DARS1: variants seen among roughly 807,000 people sequenced by gnomAD.
The protein encoded by DARS1 is aspartyl-tRNA synthetase 1.
Under a neutral mutation model 68.8 loss-of-function variants are expected in DARS1, and 51 were observed. The ratio of observed to expected loss-of-function variants is 0.74; its 90% CI spans 0.59 to 0.94. DARS1 has a LOEUF of 0.94. Ranked by LOEUF, DARS1 falls within the 40% of genes least tolerant of loss-of-function variation. The pLI, the probability that DARS1 is intolerant of heterozygous loss-of-function variation, is 0.00. For synonymous variants in DARS1, 203 were observed against 190.4 expected (o/e 1.07, Z -0.55); for missense variants, 607 against 597.3 (o/e 1.02, Z -0.17).
chr2:135,910,592 G>C (rs920022662), intron 15 of DARS1, among the ~76,000 whole-genome samples: 2 of 151,880 alleles, frequency 1.3e-5, no homozygotes, highest in African/African-American at 4.8e-5. Context: ...ACTGTCTCTC[G>C]ACCAATTTTA....
chr2:135,942,823 T>C (rs1681634688), intron 5 of DARS1, among the ~76,000 whole-genome samples: 1 of 152,208 alleles, frequency 6.6e-6, no homozygotes. Context: ...TTTGCAAAAA[T>C]GGCTGCAATA....
chr2:135,914,102 C>T (rs1449648397), intron 12 of DARS1, among the ~76,000 whole-genome samples: 2 of 152,144 alleles, frequency 1.3e-5, no homozygotes, highest in Non-Finnish European at 2.9e-5. Context: ...GAGAGAGGAA[C>T]CTCATTCATC....
intron 3 of DARS1, among the ~76,000 whole-genome samples, chr2:135,973,005 C>T (rs950599395): frequency 6.6e-6 from 1 of 152,316 alleles, no homozygotes; most frequent in Middle Eastern, 3.4e-3. Flanking sequence ...CTATGTAGAA[C>T]AGTTTGGAGG....
chr2:135,913,762 A>G (rs1680945465), intron 12 of DARS1, among the ~76,000 whole-genome samples: 1 of 152,140 alleles, frequency 6.6e-6, no homozygotes, highest in Non-Finnish European at 1.5e-5. Context: ...CCGTCTCAAA[A>G]AAAAAAAAAA....
chr2:135,957,488 G>C (rs768530223), intron 4 of DARS1, among the ~76,000 whole-genome samples: 1 of 152,126 alleles, frequency 6.6e-6, no homozygotes, highest in Non-Finnish European at 1.5e-5. Flanking sequence ...AAAGTACTGG[G>C]ATTACAGGTA....
intron 4 of DARS1, among the ~76,000 whole-genome samples, chr2:135,943,955 T>C (rs1681662181): frequency 1.3e-5 from 2 of 152,182 alleles, no homozygotes; most frequent in Non-Finnish European, 2.9e-5. Context: ...CGTGCTGTTT[T>C]GCAATTAAAT....
At chr2:135,922,486 A>G (rs1681125367) in intron 9 of DARS1, among the ~76,000 whole-genome samples, 1 of 152,192 alleles carries the variant, frequency 6.6e-6, no homozygotes, top group African/African-American at 2.4e-5. Context: ...CATATTCTCA[A>G]GATAAAAATT....
In DARS1 at chr2:135,919,399, CTT is replaced by C. The variant is rs770509337; in HGVS notation, c.959+1052_959+1053del. On this transcript the variant is annotated intron_variant, in intron 10 of 15. Transcript: ENST00000264161. ...TAAATAAAATTCGTATTTTTGAACTCTTTTAAAATACCAATGAAACATATCAA... is the reference window on the plus strand; with the variant it reads ...TAAATAAAATTCGTATTTTTGAACTCTTAAAATACCAATGAAACATATCAA... 8.5e-5 allele frequency among the ~76,000 whole-genome samples: 13 copies of C among 152,278 alleles called. No individual in the cohort carries two copies. The East Asian group carries it at 2.5e-3, about 29-fold the overall frequency.
In DARS1 at chr2:135,907,277, T is replaced by A; in HGVS notation, c.*39A>T. On this transcript the variant is annotated 3_prime_UTR_variant, in exon 16 of 16. Transcript: ENST00000264161. Reference sequence around the variant, plus strand: ...TTTTTTTTTTGAGGCAGGGTCTCGCTCTGTCATCCACACTGGAGTTAAGTG... The same window carrying A: ...TTTTTTTTTTGAGGCAGGGTCTCGCACTGTCATCCACACTGGAGTTAAGTG... The A allele has an allele frequency of 3.0e-6, 3 of 984,636 alleles. No individual in the cohort carries two copies. The highest frequency in any genetic ancestry group is 2.9e-6 in the Non-Finnish European group (2 of 679,420). The allele number at this position is 984,636 out of a possible 1,614,324, so 61.0% of individuals were successfully genotyped here. A position where few individuals can be genotyped will look rare whatever the true frequency, so the allele number is the denominator to read the frequency against.
intron 7 of DARS1, among the ~76,000 whole-genome samples, chr2:135,927,283 CAAATT>C (rs1433647333): frequency 2.6e-5 from 4 of 152,032 alleles, no homozygotes; most frequent in African/African-American, 9.7e-5. Context: ...AAATCTATCT[CAAATT>C]AAATGCTTCT....
chr2:135,957,686 G>T (rs1344728090), intron 4 of DARS1, among the ~76,000 whole-genome samples: 1 of 152,120 alleles, frequency 6.6e-6, no homozygotes, highest in Admixed American at 6.6e-5. Flanking sequence ...GTGGTGAGAA[G>T]TATGCACTAC....
intron 11 of DARS1, among the ~76,000 whole-genome samples, chr2:135,915,058 T>TA (rs1386023929): frequency 6.6e-6 from 1 of 152,172 alleles, no homozygotes; most frequent in Non-Finnish European, 1.5e-5. Flanking sequence ...CATCTTGCCT[T>TA]AAAATGTCAT....
At chr2:135,978,971 ATT>A (rs5834455) in intron 3 of DARS1, 11,901 of 191,016 alleles carry the variant, frequency 0.062, 617 homozygotes, top group East Asian at 0.2. Flanking sequence ...TTTTTTTTCA[ATT>A]TTTTTTTTTT....
chr2:135,940,525 T>C (rs1681572211), intron 5 of DARS1, among the ~76,000 whole-genome samples: 1 of 152,140 alleles, frequency 6.6e-6, no homozygotes, highest in African/African-American at 2.4e-5. Flanking sequence ...TAATAAGAGC[T>C]ATCTATGACA....
At chr2:135,929,692 TAA>T (rs1311761283) in intron 7 of DARS1, among the ~76,000 whole-genome samples, 28 of 152,170 alleles carry the variant, frequency 1.8e-4, no homozygotes, top group Admixed American at 1.8e-3. Flanking sequence ...AAACTTCTCT[TAA>T]AGAGTTGAGA....
intron 2 of DARS1, among the ~76,000 whole-genome samples, chr2:135,981,589 A>G (rs555659181): frequency 6.6e-6 from 1 of 152,306 alleles, no homozygotes; most frequent in East Asian, 1.9e-4. Context: ...TGTGGTCTCA[A>G]GCATTTTGGC....
At chr2:135,915,327 C>A (rs1438942869) in intron 11 of DARS1, among the ~76,000 whole-genome samples, 1 of 152,040 alleles carries the variant, frequency 6.6e-6, no homozygotes, top group Non-Finnish European at 1.5e-5. Flanking sequence ...ACTCTGTCAC[C>A]CAGGCTGGAG....
intron 4 of DARS1, 90 bp downstream of exon 4, chr2:135,961,306 G>A: frequency 2.7e-6 from 2 of 732,038 alleles, no homozygotes; most frequent in Non-Finnish European, 4.9e-6. Context: ...ACGAAGCATT[G>A]ATGTTAATGT....
intron 8 of DARS1, 68 bp from the exon 9 acceptor site, chr2:135,922,986 T>C: frequency 1.5e-6 from 2 of 1,315,122 alleles, no homozygotes. Context: ...AAACCTCTAG[T>C]TAAAAAGTTT....
Sources: allele counts gnomAD v4.1 joint callset (sites outside exome capture counted in the v4.1 genomes callset), GRCh38; gene constraint gnomAD v4.1.1; transcripts MANE v1.5; gene names NCBI Gene and HGNC (gene_info 2026-07-23, HGNC 2026-07-21).